The following SYT14 variants were observed in gnomAD, a reference collection of about 807,000 sequenced individuals.
The protein encoded by SYT14 is synaptotagmin 14, also known as synaptotagmin-14.
A neutral mutation model predicts 74.2 loss-of-function variants in SYT14; 32 were observed. That is an observed-to-expected ratio of 0.43 (90% CI 0.33 to 0.58). The LOEUF (loss-of-function observed/expected upper bound fraction) is 0.58, where lower values mean the gene tolerates loss of function less well. Ranked by LOEUF, SYT14 falls within the 20% of genes least tolerant of loss-of-function variation. The probability of loss-of-function intolerance (pLI) is 0.05; values close to 1 mark genes in which losing one functional copy is unlikely to be tolerated. For missense variants in SYT14, 791 were observed against 981.8 expected (o/e 0.81, Z 2.60); for synonymous variants, 298 against 337.7 (o/e 0.88, Z 1.29).
At chr1:210,020,995 T>C (rs531786233) in intron 4 of SYT14, 44 bp from the exon 4 acceptor site, 23 of 1,524,646 alleles carry the variant, frequency 1.5e-5, no homozygotes, top group Non-Finnish European at 2.0e-5. Context: ...GGGGAGGGAA[T>C]TTTTTTTTCA....
At chr1:210,076,495 G>T (rs1475692389) in intron 5 of SYT14, among the ~76,000 whole-genome samples, 1 of 152,148 alleles carries the variant, frequency 6.6e-6, no homozygotes, top group African/African-American at 2.4e-5. Context: ...ATATTTGCCT[G>T]TTCCTCGCCT....
At chr1:210,064,159 CT>C (rs2081256775) in intron 5 of SYT14, among the ~76,000 whole-genome samples, 1 of 151,780 alleles carries the variant, frequency 6.6e-6, no homozygotes. Flanking sequence ...TAATATATGC[CT>C]TTTTGTGTCT....
chr1:209,944,209 T>A (rs1291089881), intron 1 of SYT14, among the ~76,000 whole-genome samples: 1 of 152,220 alleles, frequency 6.6e-6, no homozygotes, highest in African/African-American at 2.4e-5. Context: ...GGTTTTGTTT[T>A]ATTGTCAGTT....
At chr1:210,103,768 C>T (rs1227843408) in intron 7 of SYT14, among the ~76,000 whole-genome samples, 1 of 152,076 alleles carries the variant, frequency 6.6e-6, no homozygotes, top group Non-Finnish European at 1.5e-5. Context: ...AAGGCCTATC[C>T]ATCTCTGATA....
intron 1 of SYT14, 118 bp downstream of exon 1, chr1:209,938,395 C>A (rs2078669601): frequency 9.8e-7 from 1 of 1,022,680 alleles, no homozygotes; most frequent in South Asian, 1.8e-5. Context: ...CTGGAGCCGG[C>A]TGAAGACGCG....
At chr1:210,048,176 T>C (rs1013576781) in intron 5 of SYT14, among the ~76,000 whole-genome samples, 12 of 152,204 alleles carry the variant, frequency 7.9e-5, no homozygotes, top group African/African-American at 2.9e-4. Flanking sequence ...CATAGATTCT[T>C]TTTCTATTCA....
At chr1:210,122,940 T>A (rs1467099176) in intron 7 of SYT14, among the ~76,000 whole-genome samples, 1 of 152,324 alleles carries the variant, frequency 6.6e-6, no homozygotes, top group Non-Finnish European at 1.5e-5. Context: ...ACTTAAATAA[T>A]AGATTTGCAT....
At chr1:209,947,796 TGAAA>T in intron 1 of SYT14, among the ~76,000 whole-genome samples, 1 of 152,066 alleles carries the variant, frequency 6.6e-6, no homozygotes, top group Middle Eastern at 3.4e-3. Flanking sequence ...AAATCTTCCA[TGAAA>T]GAAAGAATCC....
chr1:210,128,749 C>G lies in SYT14; in HGVS notation c.2035-26972C>G, dbSNP rs926837175. 5.6e-4 allele frequency among the ~76,000 whole-genome samples: 86 copies of G among 152,268 alleles called. 2 individuals are homozygous for G. Among genetic ancestry groups the G allele is most frequent in the Non-Finnish European group, 1.2e-4 (8 of 68,016 alleles). ...GGACTCAACACTAGATCCACTAAATCAGAATCACTGGAAAGCAGCCTAGGA... is the reference window on the plus strand; with the variant it reads ...GGACTCAACACTAGATCCACTAAATGAGAATCACTGGAAAGCAGCCTAGGA... On this transcript the variant is annotated intron_variant, in intron 7 of 9. Transcript: ENST00000637265.
At chr1:210,167,630 ATGT>A (rs1475057624) in exon 10 of SYT14, 7 of 152,184 alleles carry the variant, frequency 4.6e-5, no homozygotes, top group Non-Finnish European at 7.4e-5. Flanking sequence ...ATGTGAAATA[ATGT>A]TGTCATTGAA....
At chr1:210,127,591 T>TA (rs2082592564) in intron 7 of SYT14, among the ~76,000 whole-genome samples, 1 of 152,228 alleles carries the variant, frequency 6.6e-6, no homozygotes. Flanking sequence ...CACTGTGACT[T>TA]ACAACCAGGA....
At chr1:209,941,277 C>T (rs1349818622) in intron 1 of SYT14, among the ~76,000 whole-genome samples, 1 of 152,048 alleles carries the variant, frequency 6.6e-6, no homozygotes, top group Non-Finnish European at 1.5e-5. Flanking sequence ...ATAGAGTTAC[C>T]ACATGGAGCT....
intron 2 of SYT14, chr1:209,965,946 C>G (rs1275057677): frequency 2.2e-6 from 1 of 455,052 alleles, no homozygotes; most frequent in Admixed American, 2.4e-5. Context: ...TCTTGGCTCA[C>G]TGCAACTTCC....
chr1:210,128,874 G>A (rs965911952), intron 7 of SYT14, among the ~76,000 whole-genome samples: 2 of 152,210 alleles, frequency 1.3e-5, no homozygotes, highest in African/African-American at 4.8e-5. Context: ...GTGGATATGA[G>A]TGAGTTGAAG....
chr1:210,110,899 C>A (rs896911989), intron 7 of SYT14, among the ~76,000 whole-genome samples: 1 of 152,166 alleles, frequency 6.6e-6, no homozygotes, highest in Non-Finnish European at 1.5e-5. Context: ...CATGCGCCAC[C>A]ACACCCAGCT....
intron 1 of SYT14, among the ~76,000 whole-genome samples, 182 bp from the exon 2 acceptor site, chr1:209,952,527 C>G (rs1401569995): frequency 6.6e-6 from 1 of 152,074 alleles, no homozygotes; most frequent in Non-Finnish European, 1.5e-5. Context: ...GACCTAATTT[C>G]TGGGTTGTTC....
chr1:210,094,346 GA>G lies in SYT14; in HGVS notation c.1339del (p.Thr447HisfsTer59), dbSNP rs1198312753. On this transcript the variant is annotated frameshift_variant, in exon 6 of 10. Transcript: ENST00000637265. LOFTEE classifies it high-confidence loss of function. ...GGAAACTGCATTCAGAGAATGAGAA[GA>G]ACACCCCCGCTGGATGAATTGCAGC... The G allele has an allele frequency of 6.2e-7, 1 of 1,613,742 alleles. No individual in the cohort carries two copies. The highest frequency in any genetic ancestry group is 8.5e-7 in the Non-Finnish European group (1 of 1,179,880).
At chr1:209,965,058 A>G (rs537888229) in intron 2 of SYT14, among the ~76,000 whole-genome samples, 2 of 152,296 alleles carry the variant, frequency 1.3e-5, no homozygotes, top group African/African-American at 4.8e-5. Context: ...AAAGAAGGGC[A>G]TGTTTTGACG....
At chr1:209,952,435 T>C (rs1178972684) in intron 1 of SYT14, among the ~76,000 whole-genome samples, 1 of 152,174 alleles carries the variant, frequency 6.6e-6, no homozygotes, top group African/African-American at 2.4e-5. Flanking sequence ...TTGGGAAATA[T>C]TGATGTGATT....
Sources: allele counts gnomAD v4.1 joint callset (sites outside exome capture counted in the v4.1 genomes callset), GRCh38; gene constraint gnomAD v4.1.1; transcripts MANE v1.5; gene names NCBI Gene and HGNC (gene_info 2026-07-23, HGNC 2026-07-21).